The following SEM1 variants were observed in gnomAD, a reference collection of about 807,000 sequenced individuals.
The protein encoded by SEM1 is SEM1 26S proteasome subunit.
In SEM1, 3 loss-of-function variants were observed where a neutral mutation model predicts 12.7. That is an observed-to-expected ratio of 0.24 (90% CI 0.11 to 0.61). The LOEUF is 0.61. Among genes scored for constraint, SEM1 ranks in the 20% least tolerant of loss-of-function variants. The pLI, the probability that SEM1 is intolerant of heterozygous loss-of-function variation, is 0.88. For synonymous variants in SEM1, 30 were observed against 27.8 expected, an observed-to-expected ratio of 1.08 and a Z score of -0.25; for missense variants, 59 against 81.3, an observed-to-expected ratio of 0.73 and a Z score of 1.06.
intron 1 of SEM1, among the ~76,000 whole-genome samples, chr7:96,487,469 C>G (rs891846760): frequency 6.7e-6 from 1 of 149,506 alleles, no homozygotes; most frequent in Non-Finnish European, 1.5e-5. Flanking sequence ...ATTTTGGGAC[C>G]CCCTTTAATT....
intron 2 of SEM1, among the ~76,000 whole-genome samples, chr7:96,591,999 A>ATG (rs897758218): frequency 1.3e-5 from 2 of 152,146 alleles, no homozygotes; most frequent in African/African-American, 4.8e-5. Context: ...AAATCAAAAC[A>ATG]TGTTGAGCCT....
intron 1 of SEM1, among the ~76,000 whole-genome samples, chr7:96,489,327 T>C (rs1802905903): frequency 6.6e-6 from 1 of 152,168 alleles, no homozygotes. Context: ...CCTGGAGTGC[T>C]TGTTAAGCTA....
intron 2 of SEM1, among the ~76,000 whole-genome samples, chr7:96,559,617 C>T (rs758767463): frequency 1.3e-5 from 2 of 152,116 alleles, no homozygotes; most frequent in Non-Finnish European, 2.9e-5. Context: ...CTCTAAATGG[C>T]GTATTGTGGA....
chr7:96,522,907 A>T (rs1804331397), intron 2 of SEM1, among the ~76,000 whole-genome samples: 1 of 151,412 alleles, frequency 6.6e-6, no homozygotes, highest in Non-Finnish European at 1.5e-5. Context: ...AAAAAAAAAA[A>T]AAAAGAGAGA....
At chr7:96,706,593 AAAGAG>A (rs1350488428) in intron 1 of SEM1, among the ~76,000 whole-genome samples, 2 of 133,166 alleles carry the variant, frequency 1.5e-5, no homozygotes, top group South Asian at 2.7e-4. Context: ...AAAAAAAAAA[AAAGAG>A]AGAGAGAAGA....
At position 96,642,446 on chromosome 7, in the gene SEM1, C is replaced by T. The variant is rs903391758; in HGVS notation, c.171-19803G>A. Among the ~76,000 whole-genome samples, 6 of 152,044 alleles carry T rather than the reference C, an allele frequency of 3.9e-5. No individual in the cohort carries two copies. In the South Asian group the frequency reaches 1.0e-3, roughly 26 times the overall value. On this transcript the variant is annotated intron_variant, in intron 2 of 2. Transcript: ENST00000417009. ...AAATTGCTTTATTTTTCTCCAGGTACGGTAGCGTTTATCTTGGTTTGAGTT... is the reference window on the plus strand; with the variant it reads ...AAATTGCTTTATTTTTCTCCAGGTATGGTAGCGTTTATCTTGGTTTGAGTT...
rs542880873 is a variant in SEM1, at chr7:96,526,361, T to C, written c.171-19663A>G. Among the ~76,000 whole-genome samples the C allele has an allele frequency of 4.0e-5, 6 of 151,740 alleles. No homozygotes were observed. The South Asian group carries it at 1.2e-3, about 32-fold the overall frequency. ...GACAAAGTTGCTTTTGACTTGGAGG[T>C]GAAATGAGTCCTCAATATAAAGAGA... On this transcript the variant is annotated intron_variant and NMD_transcript_variant, in intron 2 of 3. Coordinates refer to the SEM1 transcript ENST00000466986.
intron 2 of SEM1, among the ~76,000 whole-genome samples, chr7:96,551,969 A>G (rs1805292884): frequency 1.3e-5 from 2 of 152,164 alleles, no homozygotes; most frequent in Admixed American, 6.5e-5. Flanking sequence ...CCTAATATGC[A>G]GTAATTTGTT....
chr7:96,512,316 G>T (rs1039365360), intron 2 of SEM1, among the ~76,000 whole-genome samples: 4 of 152,072 alleles, frequency 2.6e-5, no homozygotes, highest in Non-Finnish European at 5.9e-5. Context: ...GTGCTTGGAA[G>T]AAGTGAGACT....
At chr7:96,671,852 ATAT>A (rs1325287030), downstream of SEM1, among the ~76,000 whole-genome samples, 7 of 152,360 alleles carry the variant, frequency 4.6e-5, no homozygotes, top group African/African-American at 1.7e-4. Context: ...TATCTGGACA[ATAT>A]TATTAAGGGC....
At chr7:96,534,526 G>A (rs920194501) in intron 2 of SEM1, among the ~76,000 whole-genome samples, 7 of 152,044 alleles carry the variant, frequency 4.6e-5, no homozygotes, top group African/African-American at 1.4e-4. Context: ...ATGGTATGAC[G>A]AACAGGAAAA....
intron 2 of SEM1, chr7:96,646,059 C>T: frequency 2.5e-6 from 1 of 395,298 alleles, no homozygotes; most frequent in Admixed American, 4.4e-5. Context: ...ATATCCCTCC[C>T]TATTCCTTTG....
At chr7:96,645,677 A>C (rs17410950) in intron 2 of SEM1, 21,588 of 397,318 alleles carry the variant, frequency 0.054, 688 homozygotes, top group South Asian at 0.095. Context: ...TTTTATTTTC[A>C]ATCTTGAAGC....
intron 1 of SEM1, among the ~76,000 whole-genome samples, chr7:96,697,599 C>T (rs1790137556): frequency 6.6e-6 from 1 of 152,074 alleles, no homozygotes. Context: ...AATTCTTATT[C>T]CATAAAAATA....
intron 2 of SEM1, among the ~76,000 whole-genome samples, chr7:96,576,227 G>A (rs762026485): frequency 2.6e-5 from 4 of 152,110 alleles, no homozygotes; most frequent in Non-Finnish European, 5.9e-5. Flanking sequence ...TGTTTTAGAA[G>A]CATTTATTCA....
chr7:96,604,007 TTTTAAG>T (rs749474258), intron 2 of SEM1, among the ~76,000 whole-genome samples: 4 of 152,170 alleles, frequency 2.6e-5, no homozygotes, highest in South Asian at 2.1e-4. Context: ...AGAAAAGTTA[TTTTAAG>T]TTTATTTTAC....
intron 3 of SEM1, chr7:96,503,472 G>A (rs1277902580): frequency 6.6e-6 from 1 of 152,074 alleles, no homozygotes; most frequent in African/African-American, 2.4e-5. Flanking sequence ...GATTAGTCTA[G>A]GAAAACTCAC....
intron 2 of SEM1, among the ~76,000 whole-genome samples, chr7:96,551,729 G>GAA (rs35175397): frequency 2.1e-5 from 3 of 141,844 alleles, no homozygotes; most frequent in Non-Finnish European, 3.0e-5. Flanking sequence ...AAAAAGAAAA[G>GAA]AAAAAAAAGA....
Position 96,553,039 on chromosome 7 carries a change from G to A in SEM1, c.171-46341C>T, listed in dbSNP as rs557885128. Among the ~76,000 whole-genome samples the A allele has an allele frequency of 5.9e-5, 9 of 152,110 alleles. No individual in the cohort carries two copies. In the East Asian group the frequency reaches 1.5e-3, roughly 26 times the overall value. ...TGTCCTTCACCCACTTTTTGATGGG[G>A]TTGTTTGTTTTTTTCTTGTAAATTT... On this transcript the variant is annotated intron_variant and NMD_transcript_variant, in intron 2 of 3. Transcript: ENST00000466986.
Sources: gnomAD v4.1 joint callset for allele counts (sites outside exome capture counted in the v4.1 genomes callset) on GRCh38, gnomAD v4.1.1 for gene constraint, MANE v1.5 for transcripts, NCBI Gene and HGNC (gene_info 2026-07-23, HGNC 2026-07-21) for gene names.